Variants in HADHB observed in about 807,000 individuals in gnomAD.
HADHB encodes trifunctional enzyme subunit beta, mitochondrial.
In HADHB, 50 loss-of-function variants were observed where a neutral mutation model predicts 61.9. The observed-to-expected ratio is 0.81, with a 90% CI of 0.64 to 1.02. The LOEUF is 1.02. HADHB is among the 50% of genes least tolerant of loss of function. The pLI is 0.00. For synonymous variants in HADHB, 191 were observed against 201.6 expected (o/e 0.95, Z 0.45); for missense variants, 504 against 586.5 (o/e 0.86, Z 1.45).
intron 3 of HADHB, 38 bp downstream of exon 3, chr2:26,254,512 T>C: frequency 7.5e-7 from 1 of 1,329,558 alleles, no homozygotes; most frequent in Admixed American, 1.7e-5. Flanking sequence ...CTGATTTAAA[T>C]GTTAGATTCC....
At chr2:26,265,002 AAAG>A (rs528566077) in intron 4 of HADHB, among the ~76,000 whole-genome samples, 1,962 of 150,262 alleles carry the variant, frequency 0.013, 38 homozygotes, top group African/African-American at 0.04. Flanking sequence ...AAAAAAAAAA[AAAG>A]AAGAAGAAGT....
intron 3 of HADHB, among the ~76,000 whole-genome samples, chr2:26,256,781 A>C (rs1240025621): frequency 6.6e-6 from 1 of 152,176 alleles, no homozygotes; most frequent in Non-Finnish European, 1.5e-5. Context: ...GATTCTTATA[A>C]TTCATTACTG....
At position 26,278,601 on chromosome 2, in the gene HADHB, C is replaced by T; in HGVS notation, c.443-13C>T. On this transcript the variant is annotated splice_polypyrimidine_tract_variant and intron_variant, in intron 7 of 15. Transcript: ENST00000317799. Reference sequence around the variant, plus strand: ...GTAAAAGATATTCATGAAGTATAACCTGTGCCCTGTAGGTGTTGGCTTGAT... The same window carrying T: ...GTAAAAGATATTCATGAAGTATAACTTGTGCCCTGTAGGTGTTGGCTTGAT... The T allele has an allele frequency of 1.2e-6, 2 of 1,608,662 alleles. No homozygotes were observed. Among genetic ancestry groups the T allele is most frequent in the Non-Finnish European group, 1.7e-6 (2 of 1,175,034 alleles).
In HADHB at chr2:26,284,320, A is replaced by G. The variant is rs535941999; in HGVS notation, c.1149+116A>G. The G allele has an allele frequency of 3.1e-4, 241 of 765,696 alleles. 1 individual carries two copies. The African/African-American group carries it at 3.7e-3, about 12-fold the overall frequency. 47.4% of individuals were successfully genotyped at this position (765,696 alleles called of 1,614,324 possible). A position where few individuals can be genotyped will look rare whatever the true frequency, so the allele number is the denominator to read the frequency against. ...GTGAGTAGAGCAGGAGTGGACCTGC[A>G]TATTTTAAGTACTGATTCACACTGC... On this transcript the variant is annotated intron_variant, in intron 13 of 15. Coordinates refer to ENST00000317799, the MANE Select transcript of HADHB (RefSeq NM_000183.3).
intron 6 of HADHB, 38 bp downstream of exon 6, chr2:26,273,788 A>T (rs1389865726): frequency 9.9e-7 from 1 of 1,007,354 alleles, no homozygotes; most frequent in African/African-American, 1.6e-5. Context: ...AAAGAGTGAT[A>T]GGAGAATCAC....
At chr2:26,285,040 A>G in intron 14 of HADHB, 83 bp downstream of exon 14, 1 of 785,330 alleles carries the variant, frequency 1.3e-6, no homozygotes, top group Non-Finnish European at 2.3e-6. Context: ...TAAGAATATG[A>G]AGGGAAAGCT....
chr2:26,281,103 A>G (rs1355648661), intron 10 of HADHB, among the ~76,000 whole-genome samples: 1 of 151,944 alleles, frequency 6.6e-6, no homozygotes, highest in Non-Finnish European at 1.5e-5. Context: ...GCATCATGGA[A>G]CAAATCTACC....
At chr2:26,278,231 G>T (rs76858266) in intron 7 of HADHB, among the ~76,000 whole-genome samples, 1 of 152,222 alleles carries the variant, frequency 6.6e-6, no homozygotes, top group East Asian at 1.9e-4. Context: ...CGTTTCAACA[G>T]CTGTAATTTC....
At position 26,284,225 on chromosome 2, in the gene HADHB, A is replaced by G. The variant is rs1030312354; in HGVS notation, c.1149+21A>G. 6 of 1,196,118 alleles carry G rather than the reference A, an allele frequency of 5.0e-6. No individual in the cohort carries two copies. The East Asian group carries it at 9.4e-5, about 19-fold the overall frequency. 74.1% of individuals were successfully genotyped at this position (1,196,118 alleles called of 1,614,324 possible). On this transcript the variant is annotated intron_variant, in intron 13 of 15. Transcript: ENST00000317799. The stretch of plus-strand genomic sequence containing the variant: ...TCTCGGTAAGTAATTTGAAAGACAC[A>G]TATGAAGGGACTATAGTCATAAAAA...
chr2:26,268,492 C>T (rs1202170673), intron 4 of HADHB, among the ~76,000 whole-genome samples: 2 of 152,192 alleles, frequency 1.3e-5, no homozygotes, highest in African/African-American at 4.8e-5. Flanking sequence ...CAAATCATCA[C>T]TTTAACATCA....
At chr2:26,248,928 G>A (rs1344635988) in intron 1 of HADHB, among the ~76,000 whole-genome samples, 6 of 151,878 alleles carry the variant, frequency 4.0e-5, no homozygotes, top group Admixed American at 2.0e-4. Flanking sequence ...GTGGTGGCAC[G>A]TGCCTGGAGT....
At chr2:26,264,807 C>T (rs1385853161) in intron 4 of HADHB, among the ~76,000 whole-genome samples, 3 of 151,754 alleles carry the variant, frequency 2.0e-5, no homozygotes, top group Non-Finnish European at 4.4e-5. Context: ...GCCAGGAGTT[C>T]ATGGCAAAAC....
Position 26,245,283 on chromosome 2 carries a change from TGTGTGTGGGC to T in HADHB, c.-9+306_-9+315del, listed in dbSNP as rs1056221682. 2.8e-4 allele frequency: 45 copies of T among 162,602 alleles called. No homozygotes were observed. The East Asian group carries it at 3.4e-3, about 12-fold the overall frequency. The allele number at this position is 162,602 out of a possible 1,614,324, so 10.1% of individuals were successfully genotyped here. A position where few individuals can be genotyped will look rare whatever the true frequency, so the allele number is the denominator to read the frequency against. ...GTGGGGGTGTGTGTGTGTGTGTGGG[TGTGTGTGGGC>T]GTGTGTGGGCGTCGGCCTTAATGTA... On this transcript the variant is annotated intron_variant, in intron 1 of 15. Transcript: ENST00000317799.
Position 26,283,050 on chromosome 2 carries a change from G to C in HADHB, c.1060G>C (p.Gly354Arg). ...SQDPKDQLLL[G>R]PTYATPKVLE... ...GGATCCAAAAGATCAACTATTACTT[G>C]GGTAGGTAGCAGTTTGTATCCTTGG... Residue 354 changes from glycine to arginine, a missense_variant and splice_region_variant, in exon 12 of 16, where the codon GGA (glycine) becomes CGA (arginine). Physicochemically the swap from Gly to Arg is moderately radical, Grantham distance 125. Transcript: ENST00000317799. The C allele has an allele frequency of 6.2e-7, 1 of 1,600,448 alleles. No homozygotes were observed. The highest frequency in any genetic ancestry group is 8.6e-7 in the Non-Finnish European group (1 of 1,167,588).
Position 26,273,643 on chromosome 2 carries a change from A to T in HADHB, c.255-8A>T. 6.7e-7 allele frequency: 1 copy of T among 1,501,586 alleles called. No individual in the cohort carries two copies. Among genetic ancestry groups the T allele is most frequent in the Non-Finnish European group, 9.3e-7 (1 of 1,077,580 alleles). 93.0% of individuals were successfully genotyped at this position (1,501,586 alleles called of 1,614,324 possible). On this transcript the variant is annotated splice_polypyrimidine_tract_variant and splice_region_variant and intron_variant, in intron 5 of 15. Transcript: ENST00000317799. ...AAATGTTTCTTTGCTTTGGATTTCT[A>T]CTTCCAGGGGTTTGTTGCATCGGAC...
At chr2:26,286,812 T>TA (rs111397402) in intron 15 of HADHB, among the ~76,000 whole-genome samples, 6 of 136,904 alleles carry the variant, frequency 4.4e-5, no homozygotes, top group Admixed American at 1.5e-4. Flanking sequence ...GGCCTGTTTT[T>TA]GTTTTTTTTT....
At chr2:26,269,809 G>A in intron 4 of HADHB, 144 bp from the exon 5 acceptor site, 1 of 704,782 alleles carries the variant, frequency 1.4e-6, no homozygotes, top group Non-Finnish European at 2.6e-6. Context: ...TTCTTCATTT[G>A]AAATGATGGA....
chr2:26,264,310 A>T (rs1003230921), intron 4 of HADHB, among the ~76,000 whole-genome samples: 1 of 152,142 alleles, frequency 6.6e-6, no homozygotes, highest in Admixed American at 6.6e-5. Context: ...GCACTTTGGG[A>T]GGCCAAGGCA....
In HADHB at chr2:26,285,392, C is replaced by T; in HGVS notation, c.1225-15C>T. The T allele has an allele frequency of 6.2e-7, 1 of 1,611,096 alleles. No homozygotes were observed. The highest frequency in any genetic ancestry group is 8.5e-7 in the Non-Finnish European group (1 of 1,177,474). On this transcript the variant is annotated splice_polypyrimidine_tract_variant and intron_variant, in intron 14 of 15. Coordinates refer to ENST00000317799, the MANE Select transcript of HADHB (RefSeq NM_000183.3). Reference sequence around the variant, plus strand: ...AGTAAACTTATCTTTACATTTGTGTCTTTGGGGGAGCCAGGTTGGATTGCC... The same window carrying T: ...AGTAAACTTATCTTTACATTTGTGTTTTTGGGGGAGCCAGGTTGGATTGCC...
Sources: gnomAD v4.1 joint callset for allele counts (sites outside exome capture counted in the v4.1 genomes callset) on GRCh38, gnomAD v4.1.1 for gene constraint, MANE v1.5 for transcripts, NCBI Gene and HGNC (gene_info 2026-07-23, HGNC 2026-07-21) for gene names.